Variants in ATP11C observed in about 807,000 individuals in gnomAD.
ATP11C encodes phospholipid-transporting ATPase IG.
ATP11C carries 36 observed loss-of-function variants against 97.4 expected under a neutral mutation model. The observed-to-expected ratio is 0.37, with a 90% confidence interval of 0.28 to 0.49. The LOEUF is 0.49. Ranked by LOEUF, ATP11C falls within the 20% of genes least tolerant of loss-of-function variation. ATP11C has a pLI of 0.98. For synonymous variants in ATP11C, 275 were observed against 290.9 expected (o/e 0.95, Z 0.56); for missense variants, 730 against 824.6 (o/e 0.89, Z 1.40).
intron 1 of ATP11C, among the ~76,000 whole-genome samples, chrX:139,896,329 T>C (rs868323124): frequency 9.1e-6 from 1 of 110,023 alleles, no homozygotes; most frequent in Non-Finnish European, 1.9e-5. Flanking sequence ...CAAATCCCAA[T>C]TGAAGGACAT....
At chrX:139,841,205 T>C (rs1230021574) in intron 1 of ATP11C, among the ~76,000 whole-genome samples, 3 of 112,274 alleles carry the variant, frequency 2.7e-5, no homozygotes, top group African/African-American at 9.7e-5. Context: ...AAGTGCTCAC[T>C]AATAAATGAG....
chrX:139,744,223 G>C (rs2081631869), intron 25 of ATP11C, among the ~76,000 whole-genome samples: 1 of 110,898 alleles, frequency 9.0e-6, no homozygotes, highest in South Asian at 3.8e-4. Context: ...AACAGAAAAT[G>C]AGATGTAAAA....
intron 2 of ATP11C, among the ~76,000 whole-genome samples, chrX:139,821,334 A>C (rs1279399433): frequency 1.8e-5 from 2 of 112,072 alleles, no homozygotes; most frequent in African/African-American, 6.5e-5. Context: ...CTTGTGACCA[A>C]AAATAGAAGC....
At chrX:139,781,854 C>G (rs1020544898) in intron 18 of ATP11C, among the ~76,000 whole-genome samples, 6 of 112,320 alleles carry the variant, frequency 5.3e-5, no homozygotes, top group African/African-American at 1.9e-4. Context: ...TCACCTATCT[C>G]TGAAAATCTT....
intron 1 of ATP11C, among the ~76,000 whole-genome samples, chrX:139,908,727 C>T (rs1347577147): frequency 1.8e-5 from 2 of 112,078 alleles, no homozygotes; most frequent in Admixed American, 9.4e-5. Context: ...AATGCACAAC[C>T]TGGCAGATTT....
At chrX:139,790,967 C>A (rs868866527) in intron 12 of ATP11C, among the ~76,000 whole-genome samples, 1 of 111,195 alleles carries the variant, frequency 9.0e-6, no homozygotes, top group Non-Finnish European at 1.9e-5. Flanking sequence ...TGGAAACCCA[C>A]AATTTTATCC....
intron 1 of ATP11C, chrX:139,832,238 G>A (rs2083666833): frequency 8.3e-7 from 1 of 1,198,062 alleles, no homozygotes; most frequent in South Asian, 1.9e-5. Context: ...ATCTCAGAGA[G>A]AATGCTGCAG....
intron 1 of ATP11C, among the ~76,000 whole-genome samples, chrX:139,841,460 G>A (rs1343976223): frequency 8.9e-6 from 1 of 112,821 alleles, no homozygotes; most frequent in Non-Finnish European, 1.9e-5. Flanking sequence ...AAGGAGAACT[G>A]CAGGTTGAAA....
At chrX:139,744,272 T>C (rs538843672) in intron 25 of ATP11C, among the ~76,000 whole-genome samples, 7 of 111,933 alleles carry the variant, frequency 6.3e-5, no homozygotes, top group African/African-American at 1.3e-4. Flanking sequence ...TTAAGGTTAA[T>C]AGAAGCAAAA....
At chrX:139,739,996 T>C (rs754515440) in intron 27 of ATP11C, among the ~76,000 whole-genome samples, 8 of 111,911 alleles carry the variant, frequency 7.1e-5, no homozygotes, top group African/African-American at 9.7e-5. Flanking sequence ...TTTCTTAAGG[T>C]TTTTATTTTT....
At chrX:139,896,762 A>G (rs1015509715) in intron 1 of ATP11C, among the ~76,000 whole-genome samples, 4 of 108,556 alleles carry the variant, frequency 3.7e-5, no homozygotes, top group African/African-American at 1.3e-4. Flanking sequence ...GCATGCCACC[A>G]CACCCGGCTA....
At chrX:139,861,303 T>C (rs1031703499) in intron 1 of ATP11C, among the ~76,000 whole-genome samples, 1 of 111,890 alleles carries the variant, frequency 8.9e-6, no homozygotes, top group Admixed American at 9.5e-5. Context: ...ATTTTATTCA[T>C]TTCATAAACA....
At chrX:139,844,384 A>T (rs1044753256) in intron 1 of ATP11C, among the ~76,000 whole-genome samples, 2 of 112,234 alleles carry the variant, frequency 1.8e-5, no homozygotes, top group African/African-American at 6.5e-5. Flanking sequence ...TGTGTAATCA[A>T]ATTCACCCAA....
intron 1 of ATP11C, among the ~76,000 whole-genome samples, chrX:139,839,860 T>C (rs959976939): frequency 4.5e-5 from 5 of 111,582 alleles, no homozygotes; most frequent in African/African-American, 9.8e-5. Flanking sequence ...TATAACCCAT[T>C]GGCCTTTTTT....
At chrX:139,900,803 T>C (rs1221500245) in intron 1 of ATP11C, among the ~76,000 whole-genome samples, 2 of 112,128 alleles carry the variant, frequency 1.8e-5, no homozygotes, top group African/African-American at 6.5e-5. Flanking sequence ...ACTTACCAAG[T>C]GTTATGAATG....
At chrX:139,832,013 A>C (rs2083659106) in intron 1 of ATP11C, 2 of 608,701 alleles carry the variant, frequency 3.3e-6, no homozygotes, top group South Asian at 7.5e-5. Context: ...AGTGAGGCTG[A>C]AAATCCAGCT....
At chrX:139,842,797 G>A (rs2083855097) in intron 1 of ATP11C, among the ~76,000 whole-genome samples, 1 of 111,827 alleles carries the variant, frequency 8.9e-6, no homozygotes, top group African/African-American at 3.3e-5. Context: ...CACGTGCCAG[G>A]CTCCAAAGCT....
At position 139,727,977 on chromosome X, in the gene ATP11C, T is replaced by C. The variant is rs913883877; in HGVS notation, c.*989A>G. ...ATTGGCCAAGTTTAAGAAAAAGCAC[T>C]GCATATATGCATAAATGCAATCTCT... On this transcript the variant is annotated 3_prime_UTR_variant, in exon 30 of 30. Transcript: ENST00000682941. The C allele has an allele frequency of 7.1e-5, 8 of 112,489 alleles. No homozygotes were observed. Among genetic ancestry groups the C allele is most frequent in the Non-Finnish European group, 1.5e-4 (8 of 53,132 alleles). The allele number at this position is 112,489 out of a possible 1,213,427, so 9.3% of individuals were successfully genotyped here. A position where few individuals can be genotyped will look rare whatever the true frequency, so the allele number is the denominator to read the frequency against.
At chrX:139,735,382 C>T (rs1301121819) in intron 28 of ATP11C, among the ~76,000 whole-genome samples, 1 of 111,788 alleles carries the variant, frequency 8.9e-6, no homozygotes, top group Non-Finnish European at 1.9e-5. Flanking sequence ...AAAGTGTCCA[C>T]GATACTTATT....
Sources: gnomAD v4.1 joint callset for allele counts (sites outside exome capture counted in the v4.1 genomes callset) on GRCh38, gnomAD v4.1.1 for gene constraint, MANE v1.5 for transcripts, NCBI Gene and HGNC (gene_info 2026-07-23, HGNC 2026-07-21) for gene names.